The following USP45 variants were observed in gnomAD, a reference collection of about 807,000 sequenced individuals.
USP45 encodes the protein ubiquitin specific peptidase 45, also known as ubiquitin carboxyl-terminal hydrolase 45.
A neutral mutation model predicts 95.8 loss-of-function variants in USP45; 89 were observed. The ratio of observed to expected loss-of-function variants is 0.93; its 90% CI spans 0.78 to 1.11. USP45 has a LOEUF of 1.11. USP45 is among the 50% of genes least tolerant of loss of function. USP45 has a pLI of 0.00. For missense variants in USP45, 898 were observed against 942.5 expected (o/e 0.95, Z 0.62); for synonymous variants, 281 against 316.2 (o/e 0.89, Z 1.18).
chr6:99,457,492 G>A (rs571578281), intron 13 of USP45, among the ~76,000 whole-genome samples: 5 of 152,102 alleles, frequency 3.3e-5, no homozygotes, highest in Admixed American at 2.6e-4. Flanking sequence ...CAGGTTCCCC[G>A]ATACCTGACT....
Position 99,479,842 on chromosome 6 carries a change from TG to T in USP45, c.845+2910del, listed in dbSNP as rs1379199711. Among the ~76,000 whole-genome samples, 4 of 152,338 alleles carry T rather than the reference TG, an allele frequency of 2.6e-5. No individual in the cohort carries two copies. In the East Asian group the frequency reaches 7.7e-4, roughly 29 times the overall value. On this transcript the variant is annotated intron_variant, in intron 8 of 17. Coordinates refer to ENST00000500704, the MANE Select transcript of USP45 (RefSeq NM_001346022.3). ...CTATTTCACCATTCTAACATTGTAT[TG>T]GTGGTCCTTTTTCATTTTTTTTCCA...
intron 13 of USP45, among the ~76,000 whole-genome samples, chr6:99,449,133 G>A (rs1255972503): frequency 2.2e-5 from 3 of 135,244 alleles, no homozygotes; most frequent in African/African-American, 8.1e-5. Context: ...AAAATAACCA[G>A]CTAACATCAT....
At chr6:99,508,482 T>G in intron 3 of USP45, 128 bp downstream of exon 3, 1 of 978,000 alleles carries the variant, frequency 1.0e-6, no homozygotes, top group Non-Finnish European at 1.4e-6. Context: ...AGTTCATTCC[T>G]GGAAAATTTC....
rs1290267217 is a variant in USP45, at chr6:99,466,739, A to G, written c.1040T>C (p.Met347Thr). 1 of 1,613,220 alleles carries G rather than the reference A, an allele frequency of 6.2e-7. No individual in the cohort carries two copies. Among genetic ancestry groups the G allele is most frequent in the African/African-American group, 1.3e-5 (1 of 74,890 alleles). Reference sequence around the variant, plus strand: ...AATAAAGATCCGATCTATGAAGTTCATTTTCACACCTTCTTTTCCATATGC... The same window carrying G: ...AATAAAGATCCGATCTATGAAGTTCGTTTTCACACCTTCTTTTCCATATGC... Reference protein sequence around the residue: ...VKAYGKEGVKMNFIDRIFIGE... With the variant: ...VKAYGKEGVKTNFIDRIFIGE... Residue 347 changes from methionine to threonine, a missense_variant, in exon 11 of 18, where the codon ATG (methionine) becomes ACG (threonine). By Grantham distance (81) the Met-to-Thr change is moderately conservative. Transcript: ENST00000500704.
rs1800632939 is a variant in USP45 at position 99,514,340 on chromosome 6, G to A, written c.-11+1052C>T. On this transcript the variant is annotated intron_variant, in intron 1 of 17. Transcript: ENST00000500704. The stretch of plus-strand genomic sequence containing the variant: ...CAGGGAAGCCCATTAAAGACTTGGT[G>A]TCCCGGATTTTTACAGAAGCTGGTA... 2.0e-5 allele frequency among the ~76,000 whole-genome samples: 3 copies of A among 152,158 alleles called. No homozygotes were observed. The South Asian group carries it at 6.2e-4, about 32-fold the overall frequency.
At chr6:99,442,073 C>T (rs1582958562) in intron 15 of USP45, among the ~76,000 whole-genome samples, 3 of 152,186 alleles carry the variant, frequency 2.0e-5, no homozygotes, top group Admixed American at 1.3e-4. Context: ...GCTTTGCTGA[C>T]ATTACATTTA....
rs185113135 is a variant in USP45, at chr6:99,491,292, A to G, written c.479-2472T>C. 4.6e-5 allele frequency among the ~76,000 whole-genome samples: 7 copies of G among 152,336 alleles called. No homozygotes were observed. In the East Asian group the frequency reaches 1.2e-3, roughly 25 times the overall value. On this transcript the variant is annotated intron_variant, in intron 5 of 17. Coordinates refer to ENST00000500704, the MANE Select transcript of USP45 (RefSeq NM_001346022.3). ...AATGAATATAAAAGCAAATGAAAAA[A>G]GCCAGTCAGTACTTAAGAAGCACTA... is the stretch of plus-strand genomic sequence containing the variant.
chr6:99,502,204 G>GA (rs1797530048), intron 5 of USP45, among the ~76,000 whole-genome samples: 2 of 152,360 alleles, frequency 1.3e-5, no homozygotes, highest in Middle Eastern at 3.4e-3. Context: ...ATGGGCTGGG[G>GA]AGAGTGAGGA....
chr6:99,475,691 G>A (rs141544787), intron 9 of USP45, among the ~76,000 whole-genome samples: 91 of 151,812 alleles, frequency 6.0e-4, no homozygotes, highest in African/African-American at 1.9e-3. Flanking sequence ...AGGACAATAG[G>A]GCTGTAAAAG....
chr6:99,482,061 T>C (rs1346507511), intron 8 of USP45, among the ~76,000 whole-genome samples: 3 of 152,218 alleles, frequency 2.0e-5, no homozygotes, highest in Non-Finnish European at 4.4e-5. Flanking sequence ...TCTATAGATA[T>C]ACAAAAACAC....
chr6:99,497,296 A>C (rs1796505930), intron 5 of USP45, among the ~76,000 whole-genome samples: 1 of 150,988 alleles, frequency 6.6e-6, no homozygotes, highest in Admixed American at 6.6e-5. Context: ...GCAAATCCTA[A>C]CATCAGATGT....
At chr6:99,452,206 T>G (rs1429287266) in intron 13 of USP45, among the ~76,000 whole-genome samples, 1 of 152,198 alleles carries the variant, frequency 6.6e-6, no homozygotes, top group Non-Finnish European at 1.5e-5. Flanking sequence ...AAGGAGCTTC[T>G]GCACATGAAA....
At chr6:99,496,998 C>T (rs1393319632) in intron 5 of USP45, among the ~76,000 whole-genome samples, 3 of 152,090 alleles carry the variant, frequency 2.0e-5, no homozygotes, top group Non-Finnish European at 4.4e-5. Context: ...TGGATTTGGA[C>T]AGATGCAGAA....
chr6:99,478,094 G>A (rs1791328274), intron 8 of USP45, among the ~76,000 whole-genome samples: 1 of 152,092 alleles, frequency 6.6e-6, no homozygotes, highest in Non-Finnish European at 1.5e-5. Flanking sequence ...CACACAAGGA[G>A]GAAATCATTC....
At chr6:99,462,358 C>T (rs1786674996) in intron 13 of USP45, 1 of 984,674 alleles carries the variant, frequency 1.0e-6, no homozygotes, top group Non-Finnish European at 1.2e-6. Context: ...TTCTCTCATA[C>T]ATTTGGATAG....
In USP45 at chr6:99,465,458, C is replaced by T. The variant is rs1787694757; in HGVS notation, c.1108-322G>A. On this transcript the variant is annotated intron_variant, in intron 11 of 17. Transcript: ENST00000500704. Reference sequence around the variant, plus strand: ...CTAGACATTTTTGGTTAGCTTAGGGCTGTAACATAAGTAAACTATGAAATG... The same window carrying T: ...CTAGACATTTTTGGTTAGCTTAGGGTTGTAACATAAGTAAACTATGAAATG... Among the ~76,000 whole-genome samples the T allele has an allele frequency of 2.0e-5, 3 of 151,934 alleles. No homozygotes were observed. In the South Asian group the frequency reaches 6.2e-4, roughly 32 times the overall value.
At chr6:99,440,075 A>G (rs1265818356) in intron 15 of USP45, among the ~76,000 whole-genome samples, 1 of 152,204 alleles carries the variant, frequency 6.6e-6, no homozygotes, top group Non-Finnish European at 1.5e-5. Context: ...ACCACAAACA[A>G]TAGGGGGAAT....
intron 13 of USP45, 36 bp from the exon 14 acceptor site, chr6:99,446,499 T>C: frequency 6.5e-7 from 1 of 1,532,962 alleles, no homozygotes; most frequent in South Asian, 1.2e-5. Context: ...AAAAGAGTCT[T>C]GTAACCTCAT....
chr6:99,502,116 AT>A (rs1163660786), intron 5 of USP45: 1 of 1,137,940 alleles, frequency 8.8e-7, no homozygotes, highest in African/African-American at 1.6e-5. Context: ...TGAAATCCCA[AT>A]AAAACTCTCC....
Sources: allele counts gnomAD v4.1 joint callset (sites outside exome capture counted in the v4.1 genomes callset), GRCh38; gene constraint gnomAD v4.1.1; transcripts MANE v1.5; gene names NCBI Gene and HGNC (gene_info 2026-07-23, HGNC 2026-07-21).